CNOT11: variants seen among roughly 807,000 people sequenced by gnomAD.
CNOT11 encodes CCR4-NOT transcription complex subunit 11, also known as UPF0760 protein C2orf29.
Under a neutral mutation model 44.6 loss-of-function variants are expected in CNOT11, and 18 were observed. The observed-to-expected ratio is 0.40, with a 90% CI of 0.28 to 0.60. CNOT11 has a LOEUF of 0.60. CNOT11 is among the 20% of genes least tolerant of loss of function. The pLI is 0.38. For missense variants in CNOT11, 513 were observed against 677.0 expected (o/e 0.76, Z 2.69); for synonymous variants, 291 against 270.9 (o/e 1.07, Z -0.73).
chr2:101,262,583 A>G lies in CNOT11; in HGVS notation c.724A>G (p.Ser242Gly). ...AACGCAAAGCAAAGCGAGCTTCCCC[A>G]GTATTCTCAGTGACCCAGACCCGGA... ...LPTQSKASFPSILSDPDPDSS... is the reference protein window; with the variant it reads ...LPTQSKASFPGILSDPDPDSS... The change falls in exon 3 of 7, where the codon AGT becomes GGT. Residue 242 changes from serine (S) to glycine (G), a missense_variant. Physicochemically the swap from Ser to Gly is moderately conservative, Grantham distance 56. Transcript: ENST00000289382. 1.2e-6 allele frequency: 2 copies of G among 1,614,146 alleles called. No homozygotes were observed. The highest frequency in any genetic ancestry group is 1.1e-5 in the South Asian group (1 of 91,086).
At position 101,269,163 on chromosome 2, in the gene CNOT11, A is replaced by G; in HGVS notation, c.1335+27A>G. 2 of 1,599,900 alleles carry G rather than the reference A, an allele frequency of 1.3e-6. No homozygotes were observed. Among genetic ancestry groups the G allele is most frequent in the Non-Finnish European group, 1.7e-6 (2 of 1,173,206 alleles). ...TAATATAAATTTTTGTAAATTTTAT[A>G]AATGGCTGCCAGGAAAATGAGCAGA... is the stretch of plus-strand genomic sequence containing the variant. On this transcript the variant is annotated intron_variant, in intron 6 of 6. Transcript: ENST00000289382. This position sits in a 1 kb window ranked among gnomAD's most constrained non-coding sequence, Gnocchi z 4.8.
intron 2 of CNOT11, among the ~76,000 whole-genome samples, chr2:101,260,342 A>T (rs1573199408): frequency 6.6e-6 from 1 of 152,190 alleles, no homozygotes; most frequent in Non-Finnish European, 1.5e-5. Flanking sequence ...TGAGAATCAC[A>T]TCTGACCTTC....
Position 101,266,700 on chromosome 2 carries a change from C to A in CNOT11, c.1059C>A (p.Asp353Glu), listed in dbSNP as rs763556816. The change falls in exon 5 of 7, where the codon GAC becomes GAA. Residue 353 changes from aspartate to glutamate, a missense_variant. By Grantham distance (45) the Asp-to-Glu change is conservative. Around this residue, in one of 4 missense-constraint regions of CNOT11, gnomAD observed 140 missense variants for 169.8 expected, o/e 0.82. Coordinates refer to ENST00000289382, the MANE Select transcript of CNOT11 (RefSeq NM_017546.5). ...AGCTACTTGGTGAGTTGGAAAAAGA[C>A]CCCAAACTTGTCTACCATATTGGCC... ...QTQLLGELEKDPKLVYHIGLT... is the reference protein window; with the variant it reads ...QTQLLGELEKEPKLVYHIGLT... The A allele has an allele frequency of 6.2e-7, 1 of 1,614,016 alleles. No individual in the cohort carries two copies. The highest frequency in any genetic ancestry group is 1.1e-5 in the South Asian group (1 of 91,082).
intron 5 of CNOT11, among the ~76,000 whole-genome samples, chr2:101,268,206 T>A (rs201435461): frequency 9.0e-4 from 50 of 55,284 alleles, no homozygotes; most frequent in Non-Finnish European, 2.8e-4. Flanking sequence ...ATCTCCCCCC[T>A]CTTTGTTCCA....
At chr2:101,262,332 C>T (rs753954014) in intron 2 of CNOT11, 9 of 511,936 alleles carry the variant, frequency 1.8e-5, no homozygotes, top group South Asian at 6.7e-5. Context: ...TTTTGTTACA[C>T]GTCACTTCAC....
At chr2:101,268,372 G>A (rs889743738) in intron 5 of CNOT11, among the ~76,000 whole-genome samples, 22 of 152,208 alleles carry the variant, frequency 1.4e-4, no homozygotes, top group Non-Finnish European at 3.2e-4. Context: ...CCAAGATGCA[G>A]AATCACTTAC....
At chr2:101,267,227 A>G (rs982672563) in intron 5 of CNOT11, among the ~76,000 whole-genome samples, 8 of 152,160 alleles carry the variant, frequency 5.3e-5, no homozygotes, top group Non-Finnish European at 7.4e-5. Context: ...GGTTCAAGCA[A>G]TTCTCCTGCC....
In CNOT11 at chr2:101,269,523, C is replaced by G. The variant is rs1558770645; in HGVS notation, c.*110C>G. On this transcript the variant is annotated 3_prime_UTR_variant, in exon 7 of 7. Coordinates refer to ENST00000289382, the MANE Select transcript of CNOT11 (RefSeq NM_017546.5). This position sits in a 1 kb window ranked among gnomAD's most constrained non-coding sequence, Gnocchi z 4.8. ...CTTGGTTTAATGCATATAAACAGTACTTTATCTACTTAAAGCAAAGTTTTG... is the reference window on the plus strand; with the variant it reads ...CTTGGTTTAATGCATATAAACAGTAGTTTATCTACTTAAAGCAAAGTTTTG... 4.7e-6 allele frequency: 4 copies of G among 857,870 alleles called. No homozygotes were observed. In the African/African-American group the frequency reaches 5.1e-5, roughly 11 times the overall value. The allele number at this position is 857,870 out of a possible 1,614,324, so 53.1% of individuals were successfully genotyped here. A position where few individuals can be genotyped will look rare whatever the true frequency, so the allele number is the denominator to read the frequency against.
chr2:101,258,813 CAAA>C (rs34756086), intron 2 of CNOT11, among the ~76,000 whole-genome samples: 17 of 99,738 alleles, frequency 1.7e-4, no homozygotes, highest in Admixed American at 2.0e-4. Context: ...GAGTCTGTCT[CAAA>C]AAAAAAAAAA....
Position 101,253,272 on chromosome 2 carries a change from G to A in CNOT11, c.308G>A (p.Arg103His), listed in dbSNP as rs551249272. Residue 103 changes from arginine (R) to histidine (H), a missense_variant, in exon 1 of 7, where the codon CGC becomes CAC. Coordinates refer to ENST00000289382, the MANE Select transcript of CNOT11 (RefSeq NM_017546.5). The surrounding 1 kb of genome is among the most constrained non-coding windows in gnomAD (Gnocchi z 4.3). ...TACTTCAGCAAGGCCGACCACTTCC[G>A]CCTGGGCTCGGTGCTCGTCATGCTG... ...HHYFSKADHF[R>H]LGSVLVMLLQ... is the part of the protein sequence containing the mutation. The A allele has an allele frequency of 2.7e-5, 43 of 1,611,556 alleles. No homozygotes were observed. Among genetic ancestry groups the A allele is most frequent in the Admixed American group, 3.3e-5 (2 of 59,950 alleles).
At chr2:101,266,907 T>TG in intron 5 of CNOT11, 28 bp downstream of exon 5, 1 of 1,542,666 alleles carries the variant, frequency 6.5e-7, no homozygotes, top group Non-Finnish European at 9.0e-7. Flanking sequence ...ATCAAATGTG[T>TG]GGGGATAGAT....
In CNOT11 at chr2:101,265,153, T is replaced by C. The variant is rs13419327; in HGVS notation, c.1035+106T>C. On this transcript the variant is annotated intron_variant, in intron 4 of 6. Coordinates refer to ENST00000289382, the MANE Select transcript of CNOT11 (RefSeq NM_017546.5). ...TCTCACTCGGCTGCCCAGGGTGGAGTGCAGTGGCACGATCTCGGCTCACTG... is the reference window on the plus strand; with the variant it reads ...TCTCACTCGGCTGCCCAGGGTGGAGCGCAGTGGCACGATCTCGGCTCACTG... The C allele has an allele frequency of 8.3e-3, 5,889 of 707,386 alleles. 270 individuals carry two copies. The African/African-American group carries it at 0.096, about 12-fold the overall frequency. The allele number at this position is 707,386 out of a possible 1,614,324, so 43.8% of individuals were successfully genotyped here.
Position 101,253,090 on chromosome 2 carries a change from C to T in CNOT11, c.126C>T (p.Gly42=), listed in dbSNP as rs907162554. The part of the protein sequence containing the change: ...SGFGGSGGGR[G]GASGPGSGSG... ...TCGGGGGCTCCGGCGGCGGCAGAGG[C>T]GGAGCAAGCGGCCCCGGGTCCGGGA... Residue 42 remains glycine (G), a synonymous_variant, in exon 1 of 7, where the codon GGC becomes GGT. Coordinates refer to ENST00000289382, the MANE Select transcript of CNOT11 (RefSeq NM_017546.5). This position sits in a 1 kb window ranked among gnomAD's most constrained non-coding sequence, Gnocchi z 4.3. 6.6e-7 allele frequency: 1 copy of T among 1,511,996 alleles called. No homozygotes were observed. Among genetic ancestry groups the T allele is most frequent in the Non-Finnish European group, 8.8e-7 (1 of 1,136,700 alleles). The allele number at this position is 1,511,996 out of a possible 1,614,324, so 93.7% of individuals were successfully genotyped here. A position where few individuals can be genotyped will look rare whatever the true frequency, so the allele number is the denominator to read the frequency against.
rs756754501 is a variant in CNOT11 at position 101,253,192 on chromosome 2, G to T, written c.228G>T (p.Ser76=). Residue 76 remains serine, a synonymous_variant, in exon 1 of 7, where the codon TCG becomes TCT. Coordinates refer to ENST00000289382, the MANE Select transcript of CNOT11 (RefSeq NM_017546.5). The surrounding 1 kb of genome is among the most constrained non-coding windows in gnomAD (Gnocchi z 4.3). ...KELSSLLSII[S]EEAGGGSTFE... ...TCTCGAGCCTGCTGAGCATCATATCGGAGGAGGCGGGCGGCGGCAGCACCT... is the reference window on the plus strand; with the variant it reads ...TCTCGAGCCTGCTGAGCATCATATCTGAGGAGGCGGGCGGCGGCAGCACCT... 136 of 1,601,520 alleles carry T rather than the reference G, an allele frequency of 8.5e-5. No individual in the cohort carries two copies. The highest frequency in any genetic ancestry group is 1.1e-4 in the Non-Finnish European group (131 of 1,176,032).
At chr2:101,255,097 T>A (rs72984900) in intron 1 of CNOT11, among the ~76,000 whole-genome samples, 115 of 152,328 alleles carry the variant, frequency 7.5e-4, no homozygotes, top group African/African-American at 2.7e-3. Context: ...AGAGAAGGAA[T>A]CCATGGATGG....
chr2:101,263,084 A>G (rs1158557240), intron 3 of CNOT11, among the ~76,000 whole-genome samples: 1 of 152,068 alleles, frequency 6.6e-6, no homozygotes, highest in Non-Finnish European at 1.5e-5. Context: ...AGCCGAGTGT[A>G]GTGGCATGCA....
intron 1 of CNOT11, among the ~76,000 whole-genome samples, chr2:101,255,981 A>T (rs1681728478): frequency 6.6e-6 from 1 of 152,086 alleles, no homozygotes; most frequent in African/African-American, 2.4e-5. Flanking sequence ...CTACCAAAAA[A>T]TACAAAAATT....
chr2:101,266,048 T>C (rs927583253), intron 4 of CNOT11, among the ~76,000 whole-genome samples: 3 of 152,132 alleles, frequency 2.0e-5, no homozygotes, highest in African/African-American at 7.2e-5. Flanking sequence ...ACATATTAAG[T>C]AGACGGGGGA....
chr2:101,259,193 C>G (rs1399338306), intron 2 of CNOT11, among the ~76,000 whole-genome samples: 1 of 152,120 alleles, frequency 6.6e-6, no homozygotes, highest in Non-Finnish European at 1.5e-5. Flanking sequence ...ATCATTTGCC[C>G]ATATATGCAA....
Sources: gnomAD v4.1 joint callset for allele counts (sites outside exome capture counted in the v4.1 genomes callset) on GRCh38, gnomAD v4.1.1 for gene constraint, gnomAD v4.1.1 regional missense constraint, Gnocchi (gnomAD v3.1) non-coding constraint, MANE v1.5 for transcripts, NCBI Gene and HGNC (gene_info 2026-07-23, HGNC 2026-07-21) for gene names.